Variants in STRN observed in about 807,000 individuals in gnomAD.
STRN encodes the protein protein phosphatase 2 regulatory subunit B'''alpha.
A neutral mutation model predicts 96.3 loss-of-function variants in STRN; 53 were observed. The ratio of observed to expected loss-of-function variants is 0.55; its 90% CI spans 0.44 to 0.69. The LOEUF (loss-of-function observed/expected upper bound fraction) is 0.69, where lower values mean the gene tolerates loss of function less well. STRN is among the 30% of genes least tolerant of loss of function. The pLI, the probability that STRN is intolerant of heterozygous loss-of-function variation, is 0.00. For missense variants in STRN, 987 were observed against 963.9 expected (o/e 1.02, Z -0.32); for synonymous variants, 428 against 355.9 (o/e 1.20, Z -2.28).
Position 36,849,352 on chromosome 2 carries a change from A to G in STRN, c.*104T>C, listed in dbSNP as rs1251853673. ...CAAATGTTCTCTGTGCTCCTTCAGC[A>G]GAACAAAAGGGCAGGACGAGATGAT... On this transcript the variant is annotated 3_prime_UTR_variant, in exon 18 of 18. Transcript: ENST00000263918. 5 of 1,329,176 alleles carry G rather than the reference A, an allele frequency of 3.8e-6. No homozygotes were observed. The highest frequency in any genetic ancestry group is 5.2e-6 in the Non-Finnish European group (5 of 964,910). The allele number at this position is 1,329,176 out of a possible 1,614,324, so 82.3% of individuals were successfully genotyped here. A position where few individuals can be genotyped will look rare whatever the true frequency, so the allele number is the denominator to read the frequency against.
intron 13 of STRN, among the ~76,000 whole-genome samples, chr2:36,858,685 T>C (rs1275328522): frequency 6.6e-6 from 1 of 152,206 alleles, no homozygotes; most frequent in Non-Finnish European, 1.5e-5. Context: ...AAGTGGTACT[T>C]TCAAGATGAC....
intron 12 of STRN, among the ~76,000 whole-genome samples, chr2:36,865,868 T>C (rs1668609048): frequency 6.6e-6 from 1 of 152,132 alleles, no homozygotes; most frequent in Non-Finnish European, 1.5e-5. Context: ...CGAGATCTAA[T>C]TTTTTGATGT....
intron 3 of STRN, among the ~76,000 whole-genome samples, chr2:36,912,729 C>T (rs1043553167): frequency 3.3e-5 from 5 of 152,170 alleles, no homozygotes; most frequent in African/African-American, 1.2e-4. Context: ...TCTAACACAT[C>T]CATACTTCTG....
chr2:36,894,012 G>A lies in STRN; in HGVS notation c.817C>T (p.Pro273Ser), dbSNP rs1291999997. The A allele has an allele frequency of 1.9e-6, 3 of 1,612,402 alleles. No homozygotes were observed. Among genetic ancestry groups the A allele is most frequent in the Non-Finnish European group, 2.5e-6 (3 of 1,179,618 alleles). ...GTATCTCGATCTTCACCGCTGTCAG[G>A]CAATGCTTTTTTCCTAACAATCTAA... Reference protein sequence around the residue: ...TSTIVRKKALPDSGEDRDTKE... With the variant: ...TSTIVRKKALSDSGEDRDTKE... Residue 273 changes from proline (P) to serine (S), a missense_variant, in exon 7 of 18, where the codon CCT becomes TCT. Transcript: ENST00000263918.
At chr2:36,909,912 C>T (rs759394830) in intron 3 of STRN, among the ~76,000 whole-genome samples, 2 of 152,138 alleles carry the variant, frequency 1.3e-5, no homozygotes, top group Non-Finnish European at 1.5e-5. Context: ...GTGGCTCACG[C>T]CTGTAATCCC....
At chr2:36,959,393 T>C (rs931853518) in intron 1 of STRN, among the ~76,000 whole-genome samples, 28 of 152,162 alleles carry the variant, frequency 1.8e-4, no homozygotes, top group Non-Finnish European at 1.5e-5. Flanking sequence ...ATACTCAAAT[T>C]GGAATGATAC....
At chr2:36,927,526 G>GA (rs1299165216) in intron 1 of STRN, among the ~76,000 whole-genome samples, 5 of 83,050 alleles carry the variant, frequency 6.0e-5, no homozygotes, top group Non-Finnish European at 1.1e-4. Context: ...CAAAAAAAAG[G>GA]GGGGGGGGGG....
intron 1 of STRN, among the ~76,000 whole-genome samples, chr2:36,932,301 C>A (rs1200053224): frequency 6.6e-6 from 1 of 151,946 alleles, no homozygotes; most frequent in Non-Finnish European, 1.5e-5. Context: ...ATTACAGGCA[C>A]CCGCCACTGC....
At chr2:36,924,492 T>TA (rs1670357792) in intron 2 of STRN, among the ~76,000 whole-genome samples, 1 of 151,984 alleles carries the variant, frequency 6.6e-6, no homozygotes, top group Non-Finnish European at 1.5e-5. Flanking sequence ...CTTTAAAAAT[T>TA]AAAAACTATT....
intron 10 of STRN, among the ~76,000 whole-genome samples, chr2:36,873,982 G>C (rs1412976839): frequency 6.6e-6 from 1 of 150,810 alleles, no homozygotes; most frequent in Non-Finnish European, 1.5e-5. Flanking sequence ...CCAGCCAGAT[G>C]CTGTGGCTCA....
rs568093108 is a variant in STRN at position 36,859,652 on chromosome 2, C to T, written c.1669+1480G>A. 4.4e-4 allele frequency among the ~76,000 whole-genome samples: 67 copies of T among 152,170 alleles called. No individual in the cohort carries two copies. The South Asian group carries it at 0.013, about 30-fold the overall frequency. On this transcript the variant is annotated intron_variant, in intron 13 of 17. Coordinates refer to ENST00000263918, the MANE Select transcript of STRN (RefSeq NM_003162.4). Reference sequence around the variant, plus strand: ...CAGTCTCTCAAGGAATGTTTGTACACTGCAAAAAGTTAGGGTCTGGGTCTT... The same window carrying T: ...CAGTCTCTCAAGGAATGTTTGTACATTGCAAAAAGTTAGGGTCTGGGTCTT...
intron 1 of STRN, among the ~76,000 whole-genome samples, chr2:36,933,142 AC>A (rs1296562502): frequency 6.6e-6 from 1 of 151,930 alleles, no homozygotes; most frequent in African/African-American, 2.4e-5. Flanking sequence ...GATTCAGTCA[AC>A]CATCTATCAA....
intron 1 of STRN, among the ~76,000 whole-genome samples, chr2:36,948,353 G>C (rs958680835): frequency 9.2e-5 from 14 of 152,000 alleles, no homozygotes; most frequent in African/African-American, 3.4e-4. Flanking sequence ...GCCCGCCTCG[G>C]CCTCTCAAAG....
chr2:36,922,939 C>T (rs1239509902), intron 2 of STRN, among the ~76,000 whole-genome samples: 4 of 151,424 alleles, frequency 2.6e-5, no homozygotes, highest in Admixed American at 6.6e-5. Context: ...GTCAAGAGAT[C>T]GAGACCATCC....
chr2:36,855,139 G>T (rs1668311879), intron 15 of STRN, 73 bp downstream of exon 15: 2 of 1,470,382 alleles, frequency 1.4e-6, no homozygotes, highest in South Asian at 1.3e-5. Context: ...ATTTTTCACA[G>T]CTGACTCTAG....
At chr2:36,893,861 C>G in intron 7 of STRN, 37 bp downstream of exon 7, 2 of 1,558,614 alleles carry the variant, frequency 1.3e-6, no homozygotes, top group African/African-American at 1.4e-5. Flanking sequence ...CTTTTATTTA[C>G]TTAACATCTC....
chr2:36,958,904 G>C lies in STRN; in HGVS notation c.234+7326C>G, dbSNP rs1242408494. Among the ~76,000 whole-genome samples, 8 of 152,218 alleles carry C rather than the reference G, an allele frequency of 5.3e-5. No individual in the cohort carries two copies. In the East Asian group the frequency reaches 1.5e-3, roughly 29 times the overall value. Reference sequence around the variant, plus strand: ...GGAGGCTGAGGCGGGCGGATCACGAGGTCAGATAGAGACCATCCTAGCTGA... The same window carrying C: ...GGAGGCTGAGGCGGGCGGATCACGACGTCAGATAGAGACCATCCTAGCTGA... On this transcript the variant is annotated intron_variant, in intron 1 of 17. Transcript: ENST00000263918.
intron 6 of STRN, among the ~76,000 whole-genome samples, chr2:36,897,141 T>G (rs1669562397): frequency 6.6e-6 from 1 of 151,234 alleles, no homozygotes; most frequent in Non-Finnish European, 1.5e-5. Flanking sequence ...CACTCCAGCC[T>G]GGGCAACAAG....
At chr2:36,886,936 T>A in intron 7 of STRN, 110 bp from the exon 8 acceptor site, 1 of 766,428 alleles carries the variant, frequency 1.3e-6, no homozygotes, top group Non-Finnish European at 2.0e-6. Context: ...ATCACTAACT[T>A]AAAAAAAGTC....
Sources: gnomAD v4.1 joint callset for allele counts (sites outside exome capture counted in the v4.1 genomes callset) on GRCh38, gnomAD v4.1.1 for gene constraint, MANE v1.5 for transcripts, NCBI Gene and HGNC (gene_info 2026-07-23, HGNC 2026-07-21) for gene names.